HGSNAT: variants seen among roughly 807,000 people sequenced by gnomAD.
HGSNAT encodes the protein heparan-alpha-glucosaminide N-acetyltransferase.
In HGSNAT, 59 loss-of-function variants were observed where a neutral mutation model predicts 85.2. The observed-to-expected ratio is 0.69, with a 90% CI of 0.56 to 0.86. The LOEUF is 0.86. HGSNAT is among the 40% of genes least tolerant of loss of function. The pLI is 0.00. For synonymous variants in HGSNAT, 321 were observed against 304.5 expected, an observed-to-expected ratio of 1.05 and a Z score of -0.56; for missense variants, 756 against 777.1, an observed-to-expected ratio of 0.97 and a Z score of 0.32.
chr8:43,172,432 A>G (rs1263929270), intron 8 of HGSNAT, 46 bp downstream of exon 8: 1 of 1,322,352 alleles, frequency 7.6e-7, no homozygotes, highest in Non-Finnish European at 1.1e-6. Flanking sequence ...CGTCCTTCAC[A>G]GAGCTTCAGG....
intron 2 of HGSNAT, among the ~76,000 whole-genome samples, chr8:43,155,654 A>G (rs1803068419): frequency 1.3e-5 from 2 of 152,078 alleles, no homozygotes; most frequent in Admixed American, 6.6e-5. Context: ...GTGTCATGCA[A>G]TGTTTCCCCC....
chr8:43,179,499 C>A (rs1204900999), intron 10 of HGSNAT, among the ~76,000 whole-genome samples: 2 of 128,262 alleles, frequency 1.6e-5, no homozygotes, highest in Non-Finnish European at 1.7e-5. Flanking sequence ...GGGGCTGACC[C>A]CCCCCACCTC....
chr8:43,181,125 GA>G (rs1214639488), intron 10 of HGSNAT, among the ~76,000 whole-genome samples: 16 of 230 alleles, frequency 0.07, 1 homozygote, highest in Non-Finnish European at 0.088. Flanking sequence ...GGGAGAGGGA[GA>G]GGGAGAGGGA....
At position 43,200,510 on chromosome 8, in the gene HGSNAT, C is replaced by G. The variant is rs1236714798; in HGVS notation, c.*941C>G. On this transcript the variant is annotated 3_prime_UTR_variant, in exon 18 of 18. Coordinates refer to ENST00000379644, the MANE Select transcript of HGSNAT (RefSeq NM_152419.3). ...ATCTTCAGAAGAAATAGTTCCATTA[C>G]AGAAAACTCTTCAAAATAAATAGTA... 6.6e-6 allele frequency: 1 copy of G among 152,232 alleles called. No homozygotes were observed. Among genetic ancestry groups the G allele is most frequent in the East Asian group, 1.9e-4 (1 of 5,202 alleles). The allele number at this position is 152,232 out of a possible 1,614,324, so 9.4% of individuals were successfully genotyped here.
intron 1 of HGSNAT, among the ~76,000 whole-genome samples, chr8:43,142,617 G>C (rs1268515819): frequency 6.6e-6 from 1 of 152,170 alleles, no homozygotes; most frequent in Non-Finnish European, 1.5e-5. Flanking sequence ...CCTTTGGGAG[G>C]TTCGTTGTTT....
intron 12 of HGSNAT, among the ~76,000 whole-genome samples, chr8:43,192,033 A>C (rs1045955460): frequency 6.6e-6 from 1 of 151,842 alleles, no homozygotes; most frequent in Non-Finnish European, 1.5e-5. Flanking sequence ...GGTTCAAGCG[A>C]TTCTCCTGCA....
chr8:43,173,506 G>T lies in HGSNAT; in HGVS notation c.821-207G>T, dbSNP rs374427915. Reference sequence around the variant, plus strand: ...TGTATTTTTAGTAGAGACGGAGTTTGATCACGTTGGCCAGGCTAGTCTCGA... The same window carrying T: ...TGTATTTTTAGTAGAGACGGAGTTTTATCACGTTGGCCAGGCTAGTCTCGA... On this transcript the variant is annotated intron_variant, in intron 8 of 17. Coordinates refer to ENST00000379644, the MANE Select transcript of HGSNAT (RefSeq NM_152419.3). 1.8e-4 allele frequency among the ~76,000 whole-genome samples: 27 copies of T among 152,008 alleles called. No homozygotes were observed. The South Asian group carries it at 5.0e-3, about 28-fold the overall frequency.
intron 9 of HGSNAT, among the ~76,000 whole-genome samples, chr8:43,176,478 T>A (rs1364863221): frequency 6.6e-6 from 1 of 152,230 alleles, no homozygotes; most frequent in East Asian, 1.9e-4. Flanking sequence ...AGTCAGGTAA[T>A]GTGATTCTTC....
chr8:43,162,049 C>T (rs928521755), intron 5 of HGSNAT, among the ~76,000 whole-genome samples: 13 of 152,134 alleles, frequency 8.5e-5, no homozygotes, highest in African/African-American at 2.7e-4. Flanking sequence ...TGGTGAATAG[C>T]GATTCTGGTA....
chr8:43,150,702 T>TGGC (rs1802884533), intron 2 of HGSNAT, among the ~76,000 whole-genome samples: 3 of 151,848 alleles, frequency 2.0e-5, no homozygotes, highest in Non-Finnish European at 4.4e-5. Context: ...GGCATGGTGG[T>TGGC]GGGCTCCTGT....
chr8:43,182,484 C>A, intron 11 of HGSNAT: 1 of 558,138 alleles, frequency 1.8e-6, no homozygotes, highest in Non-Finnish European at 3.3e-6. Flanking sequence ...TGCTGTGTTG[C>A]CCAGGCTGGG....
At chr8:43,182,490 C>A in intron 11 of HGSNAT, 1 of 546,018 alleles carries the variant, frequency 1.8e-6, no homozygotes, top group Non-Finnish European at 3.4e-6. Flanking sequence ...GTTGCCCAGG[C>A]TGGGGTGCAG....
At position 43,179,335 on chromosome 8, in the gene HGSNAT, C is replaced by T. The variant is rs1425909473; in HGVS notation, c.1012+1101C>T. Among the ~76,000 whole-genome samples, 6 of 147,578 alleles carry T rather than the reference C, an allele frequency of 4.1e-5. No individual in the cohort carries two copies. In the East Asian group the frequency reaches 1.3e-3, roughly 31 times the overall value. ...GCGGCCGGGCAGAGGCGCCCCTCACCTCCTGGATAGGGCGGCTGGCTGGGC... is the reference window on the plus strand; with the variant it reads ...GCGGCCGGGCAGAGGCGCCCCTCACTTCCTGGATAGGGCGGCTGGCTGGGC... On this transcript the variant is annotated intron_variant, in intron 10 of 17. Coordinates refer to ENST00000379644, the MANE Select transcript of HGSNAT (RefSeq NM_152419.3).
intron 14 of HGSNAT, among the ~76,000 whole-genome samples, chr8:43,194,929 G>A (rs1440663372): frequency 6.6e-6 from 1 of 152,030 alleles, no homozygotes; most frequent in African/African-American, 2.4e-5. Flanking sequence ...CCAACCTTCA[G>A]AACTGTGAGA....
intron 1 of HGSNAT, among the ~76,000 whole-genome samples, chr8:43,143,452 A>G (rs775844763): frequency 6.6e-6 from 1 of 152,160 alleles, no homozygotes; most frequent in Non-Finnish European, 1.5e-5. Flanking sequence ...CCTGGCTGCT[A>G]GTAGGTGACT....
At chr8:43,141,485 C>T (rs1422737430) in intron 1 of HGSNAT, among the ~76,000 whole-genome samples, 1 of 152,176 alleles carries the variant, frequency 6.6e-6, no homozygotes, top group African/African-American at 2.4e-5. Flanking sequence ...ATCTAGACCC[C>T]TGCACCGGGG....
chr8:43,167,895 T>C, intron 5 of HGSNAT: 1 of 258,654 alleles, frequency 3.9e-6, no homozygotes, highest in Non-Finnish European at 7.8e-6. Flanking sequence ...AATTTAATGT[T>C]ATCTGGATAT....
At position 43,182,243 on chromosome 8, in the gene HGSNAT, C is replaced by A. The variant is rs768408187; in HGVS notation, c.1111C>A (p.Pro371Thr). The change falls in exon 11 of 18, where the codon CCT becomes ACT. Residue 371 changes from proline (P) to threonine (T), a missense_variant. By Grantham distance (38) the Pro-to-Thr change is conservative. Coordinates refer to ENST00000379644, the MANE Select transcript of HGSNAT (RefSeq NM_152419.3). The part of the protein sequence containing the change: ...VLELLFAKPV[P>T]EHCASERSCL... ...GGAGCTCCTCTTTGCTAAACCTGTG[C>A]CTGAACATTGTGCCTCGGTGAGAAA... 7 of 1,613,158 alleles carry A rather than the reference C, an allele frequency of 4.3e-6. No homozygotes were observed. In the South Asian group the frequency reaches 5.5e-5, roughly 13 times the overall value.
chr8:43,191,606 C>A lies in HGSNAT; in HGVS notation c.1250+11C>A, dbSNP rs185075731. The A allele has an allele frequency of 5.6e-6, 9 of 1,613,270 alleles. 1 individual carries two copies. In the Admixed American group the frequency reaches 1.5e-4, roughly 27 times the overall value. On this transcript the variant is annotated intron_variant, in intron 12 of 17. Coordinates refer to ENST00000379644, the MANE Select transcript of HGSNAT (RefSeq NM_152419.3). ...CCCTGGGTGCCCTACGTAAGCGAAC[C>A]CCTGGGGGTCATCCCTTGTGCATGT...
Sources: gnomAD v4.1 joint callset for allele counts (sites outside exome capture counted in the v4.1 genomes callset) on GRCh38, gnomAD v4.1.1 for gene constraint, MANE v1.5 for transcripts, NCBI Gene and HGNC (gene_info 2026-07-23, HGNC 2026-07-21) for gene names.